The following BCL2L13 variants were observed in gnomAD, a reference collection of about 807,000 sequenced individuals.
The protein encoded by BCL2L13 is BCL2 like 13.
In BCL2L13, 13 loss-of-function variants were observed where a neutral mutation model predicts 25.8. The observed-to-expected ratio is 0.50, with a 90% CI of 0.33 to 0.80. BCL2L13 has a LOEUF of 0.80. Among genes scored for constraint, BCL2L13 ranks in the 30% least tolerant of loss-of-function variants. The probability of loss-of-function intolerance (pLI) is 0.02; values close to 1 mark genes in which losing one functional copy is unlikely to be tolerated. For synonymous variants in BCL2L13, 244 were observed against 230.3 expected, an observed-to-expected ratio of 1.06 and a Z score of -0.54; for missense variants, 504 against 574.9, an observed-to-expected ratio of 0.88 and a Z score of 1.26.
chr22:17,646,932 CATATATATAT>C (rs1170982043), intron 1 of BCL2L13, among the ~76,000 whole-genome samples: 3 of 32,460 alleles, frequency 9.2e-5, no homozygotes, highest in African/African-American at 2.4e-4. Context: ...GTATAAACTA[CATATATATAT>C]ATATATATAT....
chr22:17,628,968 C>T (rs2057946635), exon 1 of BCL2L13: 2 of 406,226 alleles, frequency 4.9e-6, no homozygotes, highest in African/African-American at 4.0e-5. Flanking sequence ...GTTCCTCTAT[C>T]TGAAATTAGT....
intron 1 of BCL2L13, among the ~76,000 whole-genome samples, chr22:17,629,304 C>T (rs543752929): frequency 6.6e-6 from 1 of 152,272 alleles, no homozygotes; most frequent in South Asian, 2.1e-4. Context: ...TCTGAAGTTA[C>T]CTTTTTTAAC....
chr22:17,720,622 C>T (rs2061094584), intron 6 of BCL2L13, among the ~76,000 whole-genome samples: 1 of 150,804 alleles, frequency 6.6e-6, no homozygotes, highest in South Asian at 2.1e-4. Flanking sequence ...GCCTCCGCCT[C>T]CCAAAGTGCT....
chr22:17,713,294 C>T (rs951562824), intron 6 of BCL2L13, among the ~76,000 whole-genome samples: 4 of 152,126 alleles, frequency 2.6e-5, no homozygotes, highest in Admixed American at 1.3e-4. Context: ...ACTAGTTAAA[C>T]ACACCCTAAA....
intron 6 of BCL2L13, among the ~76,000 whole-genome samples, chr22:17,711,694 C>T (rs1339904864): frequency 6.6e-6 from 1 of 152,166 alleles, no homozygotes; most frequent in African/African-American, 2.4e-5. Context: ...TTCGTTATGA[C>T]TCTTGTTTTT....
intron 2 of BCL2L13, among the ~76,000 whole-genome samples, chr22:17,660,037 G>A (rs1327299318): frequency 6.9e-6 from 1 of 145,910 alleles, no homozygotes; most frequent in African/African-American, 2.4e-5. Flanking sequence ...TATACTTTTA[G>A]TGGAGATGGG....
At chr22:17,651,216 T>G (rs1430020420) in intron 1 of BCL2L13, among the ~76,000 whole-genome samples, 1 of 151,708 alleles carries the variant, frequency 6.6e-6, no homozygotes, top group African/African-American at 2.4e-5. Flanking sequence ...GCCAGGATGG[T>G]CTTGAACTCC....
rs913042190 is a variant in BCL2L13, at chr22:17,687,056, G to A, written c.230-1930G>A. ...CTTTGCAGCCATTTGCATCTTTCTC[G>A]GAGGCAAGCACTTTATAAAGAAACA... On this transcript the variant is annotated intron_variant, in intron 3 of 6. Transcript: ENST00000317582. Among the ~76,000 whole-genome samples the A allele has an allele frequency of 1.4e-4, 21 of 152,060 alleles. No homozygotes were observed. In the Middle Eastern group the frequency reaches 0.014, roughly 99 times the overall value.
Position 17,696,153 on chromosome 22 carries a change from T to C in BCL2L13, c.399T>C (p.Tyr133=), listed in dbSNP as rs1338116914. 6.2e-7 allele frequency: 1 copy of C among 1,613,580 alleles called. No individual in the cohort carries two copies. The highest frequency in any genetic ancestry group is 8.5e-7 in the Non-Finnish European group (1 of 1,179,554). ...AAAATCTCTACAGGCCAGTGACATATCAGGCATTTCGGGAATGTACACTGG... is the reference window on the plus strand; with the variant it reads ...AAAATCTCTACAGGCCAGTGACATACCAGGCATTTCGGGAATGTACACTGG... The part of the protein sequence containing the change: ...LQMLLSQPVT[Y]QAFRECTLET... Residue 133 remains tyrosine, a synonymous_variant, in exon 5 of 7, where the codon TAT becomes TAC. Transcript: ENST00000317582.
chr22:17,638,759 C>T lies in BCL2L13; in HGVS notation c.-178C>T, dbSNP rs757807873. On this transcript the variant is annotated 5_prime_UTR_variant, in exon 1 of 7. Coordinates refer to ENST00000317582, the MANE Select transcript of BCL2L13 (RefSeq NM_015367.4). The stretch of plus-strand genomic sequence containing the variant: ...CGAAGGCACGCCGGGGTGACCTCAC[C>T]CTCCAACATGGCGGCGGCGGTAGAT... The T allele has an allele frequency of 7.0e-5, 86 of 1,231,604 alleles. No individual in the cohort carries two copies. Among genetic ancestry groups the T allele is most frequent in the Non-Finnish European group, 8.4e-5 (83 of 987,968 alleles). 76.3% of individuals were successfully genotyped at this position (1,231,604 alleles called of 1,614,324 possible). A position where few individuals can be genotyped will look rare whatever the true frequency, so the allele number is the denominator to read the frequency against.
At chr22:17,697,320 C>G (rs2060294569) in intron 5 of BCL2L13, among the ~76,000 whole-genome samples, 2 of 152,230 alleles carry the variant, frequency 1.3e-5, no homozygotes, top group African/African-American at 4.8e-5. Flanking sequence ...TGCCTGTAGT[C>G]TCAGCTACTC....
chr22:17,686,229 A>G (rs1312215106), intron 3 of BCL2L13, among the ~76,000 whole-genome samples: 1 of 152,042 alleles, frequency 6.6e-6, no homozygotes, highest in Non-Finnish European at 1.5e-5. Context: ...TGGGTGGATC[A>G]CTTGAGGCCA....
At chr22:17,721,181 ATAT>A (rs1471957982) in intron 6 of BCL2L13, among the ~76,000 whole-genome samples, 2 of 130,430 alleles carry the variant, frequency 1.5e-5, no homozygotes. Context: ...AAAAAAAAAA[ATAT>A]ATATATATTT....
At chr22:17,689,264 T>C (rs1278543701) in intron 4 of BCL2L13, 122 bp downstream of exon 4, 3 of 844,304 alleles carry the variant, frequency 3.6e-6, no homozygotes, top group Non-Finnish European at 5.1e-6. Flanking sequence ...CACTTTTCTT[T>C]ACATTTTCTT....
chr22:17,667,065 C>T (rs1312782813), intron 2 of BCL2L13, among the ~76,000 whole-genome samples: 1 of 152,128 alleles, frequency 6.6e-6, no homozygotes, highest in Admixed American at 6.6e-5. Context: ...TGCTTCCAAA[C>T]CTTGGCTGTT....
rs768488873 is a variant in BCL2L13, at chr22:17,646,955, A to ATATATT, written c.-51+8070_-51+8071insATATTT. 6.2e-3 allele frequency among the ~76,000 whole-genome samples: 137 copies of ATATATT among 22,174 alleles called. 2 individuals carry two copies. The highest frequency in any genetic ancestry group is 0.013 in the Admixed American group (10 of 748). 14.5% of individuals were successfully genotyped at this position (22,174 alleles called of 152,430 possible). A position where few individuals can be genotyped will look rare whatever the true frequency, so the allele number is the denominator to read the frequency against. On this transcript the variant is annotated intron_variant, in intron 1 of 6. Transcript: ENST00000317582. Reference sequence around the variant, plus strand: ...TACATATATATATATATATATATATATTTTTTTTTTTTTTTTTTTTTTTTC... The same window carrying ATATATT: ...TACATATATATATATATATATATATATATATTTTTTTTTTTTTTTTTTTTTTTTTTC...
intron 2 of BCL2L13, among the ~76,000 whole-genome samples, chr22:17,671,960 C>T (rs898029297): frequency 3.3e-5 from 5 of 152,232 alleles, no homozygotes; most frequent in African/African-American, 4.8e-5. Flanking sequence ...GTGATCCGCT[C>T]GCCTTGGCCT....
chr22:17,677,269 A>T (rs1414357860), intron 2 of BCL2L13, among the ~76,000 whole-genome samples: 1 of 152,278 alleles, frequency 6.6e-6, no homozygotes, highest in Non-Finnish European at 1.5e-5. Flanking sequence ...CAGCTTTAAA[A>T]GTAGAAAATG....
chr22:17,673,643 CT>C (rs1263065103), intron 2 of BCL2L13, among the ~76,000 whole-genome samples: 3 of 151,638 alleles, frequency 2.0e-5, no homozygotes, highest in African/African-American at 4.8e-5. Flanking sequence ...TCCCAAAGTG[CT>C]GGGATTACAG....
Sources: gnomAD v4.1 joint callset for allele counts (sites outside exome capture counted in the v4.1 genomes callset) on GRCh38, gnomAD v4.1.1 for gene constraint, MANE v1.5 for transcripts, NCBI Gene and HGNC (gene_info 2026-07-23, HGNC 2026-07-21) for gene names.